Variants in BICRAL observed in about 807,000 individuals in gnomAD.
BICRAL encodes the protein BRD4-interacting chromatin-remodeling complex-associated protein-like.
In BICRAL, 8 loss-of-function variants were observed where a neutral mutation model predicts 91.8. That is an observed-to-expected ratio of 0.09 (90% CI 0.05 to 0.16). The LOEUF (loss-of-function observed/expected upper bound fraction) is 0.16, where lower values mean the gene tolerates loss of function less well. Ranked by LOEUF, BICRAL falls within the 10% of genes least tolerant of loss-of-function variation. BICRAL has a pLI of 1.00. For synonymous variants in BICRAL, 445 were observed against 491.1 expected (o/e 0.91, Z 1.24); for missense variants, 1,038 against 1,310.9 (o/e 0.79, Z 3.21).
At chr6:42,781,898 T>C (rs1201920207), upstream of BICRAL, 1 of 145,738 alleles carries the variant, frequency 6.9e-6, no homozygotes, top group African/African-American at 2.5e-5. Context: ...GCGCAGAGCA[T>C]GAAGGCCGGG....
chr6:42,835,402 T>G (rs929698037), intron 6 of BICRAL, among the ~76,000 whole-genome samples: 3 of 152,142 alleles, frequency 2.0e-5, no homozygotes, highest in African/African-American at 7.2e-5. Flanking sequence ...GTGCTGGGAT[T>G]TCAGGCATGA....
chr6:42,776,772 A>G (rs1762814009), intron 1 of BICRAL, among the ~76,000 whole-genome samples: 1 of 152,236 alleles, frequency 6.6e-6, no homozygotes, highest in Non-Finnish European at 1.5e-5. Flanking sequence ...AAACTAGGCC[A>G]AAATCACGTG....
intron 1 of BICRAL, among the ~76,000 whole-genome samples, chr6:42,750,225 A>G (rs1762354957): frequency 6.6e-6 from 1 of 151,496 alleles, no homozygotes; most frequent in South Asian, 2.1e-4. Flanking sequence ...CAGTGGTGCA[A>G]TCACAGCTTA....
intron 1 of BICRAL, among the ~76,000 whole-genome samples, chr6:42,789,478 A>G (rs1763203684): frequency 6.6e-6 from 1 of 152,016 alleles, no homozygotes; most frequent in Admixed American, 6.6e-5. Context: ...CATCTCTACT[A>G]AAAATACAAA....
chr6:42,771,412 A>T lies in BICRAL; in HGVS notation c.-260-10427A>T, dbSNP rs112177202. Among the ~76,000 whole-genome samples the T allele has an allele frequency of 6.1e-3, 878 of 144,962 alleles. 7 individuals are homozygous for T. The highest frequency in any genetic ancestry group is 0.021 in the African/African-American group (826 of 39,062). ...TTCTCATTTGTTTGTGTTGTTAGGG[A>T]CCGCCTAGTGAGAAATTGAGCTTCA... On this transcript the variant is annotated intron_variant, in intron 1 of 14. Transcript: ENST00000614467.
intron 1 of BICRAL, among the ~76,000 whole-genome samples, chr6:42,784,979 G>A (rs1001330061): frequency 6.6e-6 from 1 of 152,018 alleles, no homozygotes; most frequent in African/African-American, 2.4e-5. Context: ...GCTATGCACT[G>A]TTCTGCTCTT....
intron 7 of BICRAL, among the ~76,000 whole-genome samples, chr6:42,852,794 C>T (rs1030457863): frequency 2.0e-5 from 3 of 151,414 alleles, no homozygotes; most frequent in Non-Finnish European, 4.4e-5. Flanking sequence ...AAAAAAAATA[C>T]TTCTTAGAAA....
chr6:42,752,669 TG>T (rs1188886838), intron 1 of BICRAL, among the ~76,000 whole-genome samples: 1 of 152,028 alleles, frequency 6.6e-6, no homozygotes, highest in Non-Finnish European at 1.5e-5. Flanking sequence ...AGTGGCGCCA[TG>T]TTGACTCACT....
chr6:42,767,957 G>T (rs182169690), intron 1 of BICRAL, among the ~76,000 whole-genome samples: 2 of 152,296 alleles, frequency 1.3e-5, no homozygotes, highest in South Asian at 4.1e-4. Flanking sequence ...TGGAGGAGGC[G>T]TGGTGGAAGA....
At chr6:42,836,786 T>C (rs533200944) in intron 6 of BICRAL, among the ~76,000 whole-genome samples, 1 of 151,716 alleles carries the variant, frequency 6.6e-6, no homozygotes, top group African/African-American at 2.4e-5. Context: ...CACACCCAGC[T>C]AATTTTTGTA....
intron 6 of BICRAL, among the ~76,000 whole-genome samples, chr6:42,833,055 T>C (rs1181048955): frequency 6.6e-6 from 1 of 151,588 alleles, no homozygotes. Context: ...CAGGGTAGAC[T>C]GTCTTTTTTT....
rs760506830 is a variant in BICRAL at position 42,860,354 on chromosome 6, A to G, written c.2347A>G (p.Met783Val). The G allele has an allele frequency of 4.4e-6, 7 of 1,588,190 alleles. No individual in the cohort carries two copies. The East Asian group carries it at 1.1e-4, about 25-fold the overall frequency. ...KYRCLLLEDA[M>V]RINPSAEMVM... ...CAGATGCCTGCTCCTAGAAGATGCCATGGTAAAAGTCATGCTACTGATATT... is the reference window on the plus strand; with the variant it reads ...CAGATGCCTGCTCCTAGAAGATGCCGTGGTAAAAGTCATGCTACTGATATT... Residue 783 changes from methionine to valine, a missense_variant and splice_region_variant, in exon 11 of 13, where the codon ATG becomes GTG. Physicochemically the swap from Met to Val is conservative, Grantham distance 21 (BLOSUM62 1). Transcript: ENST00000314073.
rs141713736 is a variant in BICRAL at position 42,844,081 on chromosome 6, C to T, written c.1840-8011C>T. Among the ~76,000 whole-genome samples the T allele has an allele frequency of 6.1e-3, 904 of 147,900 alleles. 49 individuals carry two copies. The East Asian group carries it at 0.13, about 21-fold the overall frequency. On this transcript the variant is annotated intron_variant, in intron 6 of 12. Coordinates refer to ENST00000314073, the MANE Select transcript of BICRAL (RefSeq NM_001393499.1). ...CCTCCTAAAGTGCTGGGATTACAGA[C>T]GTGAGCCACCGCGCCTGGCCAGCAT...
At chr6:42,802,432 TTGTTG>T (rs1763603525) in intron 1 of BICRAL, among the ~76,000 whole-genome samples, 1 of 73,362 alleles carries the variant, frequency 1.4e-5, no homozygotes, top group African/African-American at 4.2e-5. Context: ...TTTTTTTTTG[TTGTTG>T]TTGTTGTTGT....
At chr6:42,826,099 A>G (rs1265313430) in intron 5 of BICRAL, among the ~76,000 whole-genome samples, 2 of 138,774 alleles carry the variant, frequency 1.4e-5, no homozygotes, top group Admixed American at 1.4e-4. Flanking sequence ...GAAAAAAGAA[A>G]AAAAGATACA....
intron 1 of BICRAL, among the ~76,000 whole-genome samples, chr6:42,789,323 A>C (rs1763199160): frequency 6.6e-6 from 1 of 152,136 alleles, no homozygotes; most frequent in African/African-American, 2.4e-5. Context: ...AAAATTGTAA[A>C]TCTTACATAT....
chr6:42,846,382 A>AGTT (rs1205351807), intron 6 of BICRAL, among the ~76,000 whole-genome samples: 9 of 148,146 alleles, frequency 6.1e-5, no homozygotes, highest in African/African-American at 2.3e-4. Context: ...AAATAAAATA[A>AGTT]ACAATAAGTT....
In BICRAL at chr6:42,855,894, G is replaced by A. The variant is rs755039617; in HGVS notation, c.2085G>A (p.Ala695=). Residue 695 remains alanine, a synonymous_variant, in exon 9 of 13, where the codon GCG becomes GCA. Coordinates refer to ENST00000314073, the MANE Select transcript of BICRAL (RefSeq NM_001393499.1). ...CGGGAGGACAAAAAAGGCCTGCTGC[G>A]AAACAGCTAACGAAAGGAGCTTTGT... ...SHSGGQKRPA[A]KQLTKGAFIL... 1.3e-5 allele frequency: 21 copies of A among 1,613,642 alleles called. No individual in the cohort carries two copies. Among genetic ancestry groups the A allele is most frequent in the East Asian group, 2.2e-5 (1 of 44,894 alleles).
intron 1 of BICRAL, among the ~76,000 whole-genome samples, chr6:42,799,441 C>T (rs932437983): frequency 3.3e-5 from 5 of 151,876 alleles, no homozygotes; most frequent in Admixed American, 6.6e-5. Context: ...ACTACAGGCA[C>T]GTGCCACCAC....
Sources: allele counts gnomAD v4.1 joint callset (sites outside exome capture counted in the v4.1 genomes callset), GRCh38; gene constraint gnomAD v4.1.1; transcripts MANE v1.5; gene names NCBI Gene and HGNC (gene_info 2026-07-23, HGNC 2026-07-21).